The following SRGAP3 variants were observed in gnomAD, a reference collection of about 807,000 sequenced individuals.
SRGAP3 encodes SLIT-ROBO Rho GTPase-activating protein 3.
A neutral mutation model predicts 121.1 loss-of-function variants in SRGAP3; 39 were observed. The observed-to-expected ratio is 0.32, with a 90% CI of 0.25 to 0.42. The LOEUF (loss-of-function observed/expected upper bound fraction) is 0.42, where lower values mean the gene tolerates loss of function less well. Among genes scored for constraint, SRGAP3 ranks in the 10% least tolerant of loss-of-function variants. The pLI, the probability that SRGAP3 is intolerant of heterozygous loss-of-function variation, is 1.00. For synonymous variants in SRGAP3, 601 were observed against 570.0 expected, an observed-to-expected ratio of 1.05 and a Z score of -0.77; for missense variants, 1,213 against 1,470.6, an observed-to-expected ratio of 0.82 and a Z score of 2.86.
At chr3:9,024,906 C>A (rs1395538164) in intron 14 of SRGAP3, among the ~76,000 whole-genome samples, 2 of 152,094 alleles carry the variant, frequency 1.3e-5, no homozygotes, top group Non-Finnish European at 2.9e-5. Context: ...GGAGAAACCA[C>A]CCAAAAGCAG....
chr3:9,350,128 G>T (rs549779922), intron 1 of SRGAP3: 1 of 152,146 alleles, frequency 6.6e-6, no homozygotes, highest in East Asian at 1.9e-4. Flanking sequence ...GTTGCCATAG[G>T]TTATATTTAT....
At chr3:9,116,366 G>GA (rs1948806933) in intron 2 of SRGAP3, among the ~76,000 whole-genome samples, 1 of 152,228 alleles carries the variant, frequency 6.6e-6, no homozygotes, top group African/African-American at 2.4e-5. Flanking sequence ...GCCATTCACT[G>GA]AAAAAACTTT....
chr3:9,354,597 G>C (rs774896949), intron 1 of SRGAP3, among the ~76,000 whole-genome samples: 1 of 151,214 alleles, frequency 6.6e-6, no homozygotes, highest in Non-Finnish European at 1.5e-5. Context: ...CAGAAGAATG[G>C]TGTGAACCCG....
At chr3:9,240,379 T>C (rs1953581593) in intron 1 of SRGAP3, among the ~76,000 whole-genome samples, 1 of 152,008 alleles carries the variant, frequency 6.6e-6, no homozygotes, top group Non-Finnish European at 1.5e-5. Flanking sequence ...CTTTAAAAAG[T>C]CAACCCCGTC....
intron 1 of SRGAP3, among the ~76,000 whole-genome samples, chr3:9,127,173 A>G (rs1005080270): frequency 6.6e-6 from 1 of 152,112 alleles, no homozygotes; most frequent in African/African-American, 2.4e-5. Context: ...ACTTAAAAAA[A>G]AAAAAAGTTT....
In SRGAP3 at chr3:9,163,701, G is replaced by C. The variant is rs572829221; in HGVS notation, c.68-38784C>G. ...CAAGGATCTCTGCTCCATACTCCTA[G>C]CTGCAACAGGTTGTAGAAATAAGGC... is the stretch of plus-strand genomic sequence containing the variant. On this transcript the variant is annotated intron_variant, in intron 1 of 21. Transcript: ENST00000383836. 1.5e-3 allele frequency among the ~76,000 whole-genome samples: 222 copies of C among 152,260 alleles called. 1 individual carries two copies. Among genetic ancestry groups the C allele is most frequent in the African/African-American group, 4.8e-3 (200 of 41,536 alleles).
intron 1 of SRGAP3, among the ~76,000 whole-genome samples, chr3:9,346,615 C>A (rs908773385): frequency 3.9e-5 from 6 of 152,110 alleles, no homozygotes; most frequent in African/African-American, 1.4e-4. Context: ...CTCCAAATCT[C>A]CCCACCCTGA....
At chr3:9,264,409 T>C (rs970358123) in intron 3 of SRGAP3, among the ~76,000 whole-genome samples, 1 of 152,152 alleles carries the variant, frequency 6.6e-6, no homozygotes, top group Non-Finnish European at 1.5e-5. Context: ...AGTATTCAAA[T>C]AGGAAGAGAG....
chr3:9,104,978 G>A, intron 2 of SRGAP3, 136 bp from the exon 3 acceptor site: 4 of 1,087,136 alleles, frequency 3.7e-6, no homozygotes, highest in Non-Finnish European at 5.5e-6. Context: ...ACCTTATACA[G>A]TTGGGGAAAC....
rs1039121449 is a variant in SRGAP3, at chr3:9,060,378, A to C, written c.673-19T>G. 6.2e-7 allele frequency: 1 copy of C among 1,603,656 alleles called. No individual in the cohort carries two copies. Among genetic ancestry groups the C allele is most frequent in the African/African-American group, 1.3e-5 (1 of 74,224 alleles). On this transcript the variant is annotated intron_variant, in intron 5 of 21. Coordinates refer to ENST00000383836, the MANE Select transcript of SRGAP3 (RefSeq NM_014850.4). The stretch of plus-strand genomic sequence containing the variant: ...CCTGCCTCTGGAAGAAGAAAAGAGT[A>C]GATGTAAGAGCAAGCCATTTAAGAG...
At chr3:9,285,226 C>T (rs1428432631) in intron 3 of SRGAP3, among the ~76,000 whole-genome samples, 2 of 152,144 alleles carry the variant, frequency 1.3e-5, no homozygotes, top group African/African-American at 2.4e-5. Flanking sequence ...AAGCACAGAC[C>T]GAAGCACCAG....
At position 8,985,211 on chromosome 3, in the gene SRGAP3, TC is replaced by T. The variant is rs1192793387; in HGVS notation, c.*307del. The T allele has an allele frequency of 1.0e-5, 5 of 478,878 alleles. No individual in the cohort carries two copies. Among genetic ancestry groups the T allele is most frequent in the African/African-American group, 2.0e-5 (1 of 51,090 alleles). 29.7% of individuals were successfully genotyped at this position (478,878 alleles called of 1,614,324 possible). A position where few individuals can be genotyped will look rare whatever the true frequency, so the allele number is the denominator to read the frequency against. ...AGAGAGAATGTCGAGAGAGGAAGTT[TC>T]CAGTGACGATATGCGGGAGAAGCCA... On this transcript the variant is annotated 3_prime_UTR_variant, in exon 22 of 22. Coordinates refer to ENST00000383836, the MANE Select transcript of SRGAP3 (RefSeq NM_014850.4). This position sits in a 1 kb window ranked among gnomAD's most constrained non-coding sequence, Gnocchi z 5.1.
chr3:9,230,331 C>A (rs1271268393), intron 1 of SRGAP3, among the ~76,000 whole-genome samples: 1 of 152,174 alleles, frequency 6.6e-6, no homozygotes, highest in Non-Finnish European at 1.5e-5. Flanking sequence ...AACTGTGTTC[C>A]CAATTACTAA....
At chr3:9,255,841 C>A (rs942424097) in intron 3 of SRGAP3, among the ~76,000 whole-genome samples, 8 of 152,308 alleles carry the variant, frequency 5.3e-5, no homozygotes, top group African/African-American at 1.7e-4. Context: ...AGCATCTTCT[C>A]ATTTAGTATC....
chr3:9,089,997 T>C (rs1378271179), intron 3 of SRGAP3, among the ~76,000 whole-genome samples: 2 of 152,096 alleles, frequency 1.3e-5, no homozygotes, highest in Non-Finnish European at 2.9e-5. Flanking sequence ...AGCCTTTCCG[T>C]CCCTAGATCT....
chr3:9,286,804 G>A (rs573583755), intron 3 of SRGAP3, among the ~76,000 whole-genome samples: 2,296 of 151,290 alleles, frequency 0.015, 65 homozygotes, highest in African/African-American at 0.052. Context: ...GGGTCTCACT[G>A]TGTTAGCCAG....
rs147248880 is a variant in SRGAP3 at position 9,103,008 on chromosome 3, T to A, written c.423+1672A>T. ...ACTTCAGTTTGGCTTTGCAAAGCAC[T>A]GTGTAATTTTTTTTTCTTTGCACCG... On this transcript the variant is annotated intron_variant, in intron 3 of 21. Transcript: ENST00000383836. 4.1e-3 allele frequency among the ~76,000 whole-genome samples: 630 copies of A among 152,342 alleles called. 4 individuals are homozygous for A. Among genetic ancestry groups the A allele is most frequent in the Middle Eastern group, 0.024 (7 of 294 alleles).
chr3:9,042,358 C>G (rs1465712245), intron 10 of SRGAP3, among the ~76,000 whole-genome samples: 1 of 151,082 alleles, frequency 6.6e-6, no homozygotes, highest in Non-Finnish European at 1.5e-5. Flanking sequence ...TACTGGACAG[C>G]ACAGCTCTCA....
chr3:8,993,195 G>T, intron 19 of SRGAP3, 140 bp from the exon 20 acceptor site: 2 of 1,364,822 alleles, frequency 1.5e-6, no homozygotes, highest in Non-Finnish European at 2.0e-6. Context: ...CTAGGCCACT[G>T]CCCACTGGGT....
Sources: gnomAD v4.1 joint callset for allele counts (sites outside exome capture counted in the v4.1 genomes callset) on GRCh38, gnomAD v4.1.1 for gene constraint, Gnocchi (gnomAD v3.1) non-coding constraint, MANE v1.5 for transcripts, NCBI Gene and HGNC (gene_info 2026-07-23, HGNC 2026-07-21) for gene names.